NUDT3: variants seen among roughly 807,000 people sequenced by gnomAD.
The protein encoded by NUDT3 is nudix hydrolase 3.
NUDT3 carries 9 observed loss-of-function variants against 23.6 expected under a neutral mutation model. The observed-to-expected ratio is 0.38, with a 90% CI of 0.23 to 0.66. The LOEUF (loss-of-function observed/expected upper bound fraction) is 0.66, where lower values mean the gene tolerates loss of function less well. NUDT3 is among the 30% of genes least tolerant of loss of function. NUDT3 has a pLI of 0.52. For synonymous variants in NUDT3, 86 were observed against 82.6 expected (o/e 1.04, Z -0.22); for missense variants, 172 against 218.5 (o/e 0.79, Z 1.34).
intron 2 of NUDT3, among the ~76,000 whole-genome samples, chr6:34,308,947 C>G (rs2113707943): frequency 6.6e-6 from 1 of 152,282 alleles, no homozygotes; most frequent in African/African-American, 2.4e-5. Context: ...CCAACAACAG[C>G]AGAATACACA....
At chr6:34,322,270 G>GC (rs1391461559) in intron 2 of NUDT3, among the ~76,000 whole-genome samples, 1 of 150,368 alleles carries the variant, frequency 6.7e-6, no homozygotes, top group Non-Finnish European at 1.5e-5. Flanking sequence ...TCGCTCTGTC[G>GC]CCCAGGCTGG....
At chr6:34,297,740 T>C (rs1432585315) in intron 2 of NUDT3, among the ~76,000 whole-genome samples, 8 of 100,402 alleles carry the variant, frequency 8.0e-5, no homozygotes, top group Admixed American at 2.3e-4. Flanking sequence ...AATATATATA[T>C]ATATATATAT....
In NUDT3 at chr6:34,287,525, T is replaced by C. The variant is rs773682850; in HGVS notation, c.*1228A>G. The C allele has an allele frequency of 2.6e-5, 4 of 152,174 alleles. No individual in the cohort carries two copies. Among genetic ancestry groups the C allele is most frequent in the Non-Finnish European group, 4.4e-5 (3 of 68,030 alleles). 9.4% of individuals were successfully genotyped at this position (152,174 alleles called of 1,614,324 possible). ...ATCCTGGTGGGAGATGGGAGACCAA[T>C]TTAATAGCTCTGAGCATGCTCCATG... On this transcript the variant is annotated 3_prime_UTR_variant, in exon 5 of 5. Transcript: ENST00000607016.
intron 2 of NUDT3, among the ~76,000 whole-genome samples, chr6:34,319,547 C>T (rs1763909322): frequency 6.6e-6 from 1 of 152,172 alleles, no homozygotes; most frequent in Admixed American, 6.5e-5. Flanking sequence ...CTCTAGGAAC[C>T]TCCACGTGTT....
chr6:34,387,729 A>G (rs1765130459), intron 1 of NUDT3, among the ~76,000 whole-genome samples: 2 of 128,154 alleles, frequency 1.6e-5, no homozygotes. Flanking sequence ...GAAAGAGAAA[A>G]ATATTGTTAT....
intron 1 of NUDT3, among the ~76,000 whole-genome samples, chr6:34,385,058 T>A (rs982947645): frequency 2.0e-5 from 3 of 150,042 alleles, no homozygotes; most frequent in Admixed American, 6.6e-5. Context: ...CAAAACAAGA[T>A]CTTGGCCCTA....
chr6:34,381,204 G>C (rs1284109861), intron 1 of NUDT3, among the ~76,000 whole-genome samples: 1 of 151,936 alleles, frequency 6.6e-6, no homozygotes, highest in African/African-American at 2.4e-5. Flanking sequence ...TTTTTATAGA[G>C]ACGAGGTCCC....
chr6:34,315,284 G>A (rs1763841528), intron 2 of NUDT3, among the ~76,000 whole-genome samples: 1 of 152,182 alleles, frequency 6.6e-6, no homozygotes, highest in Non-Finnish European at 1.5e-5. Flanking sequence ...AGGCAGAACT[G>A]CCAGTTTCAG....
intron 1 of NUDT3, among the ~76,000 whole-genome samples, chr6:34,367,421 G>C (rs1432657463): frequency 2.0e-5 from 3 of 151,632 alleles, no homozygotes; most frequent in Non-Finnish European, 4.4e-5. Context: ...GGCGGAGGTT[G>C]CAGCGAGCCG....
In NUDT3 at chr6:34,332,050, A is replaced by T. The variant is rs188524321; in HGVS notation, c.210+9812T>A. Among the ~76,000 whole-genome samples the T allele has an allele frequency of 3.5e-3, 528 of 151,852 alleles. 2 individuals carry two copies. The highest frequency in any genetic ancestry group is 9.4e-3 in the South Asian group (45 of 4,804). ...TCAACACGCCCAACTAATTTTTTTT[A>T]AAATTTTTTGTTTTTTGTAGTGATA... On this transcript the variant is annotated intron_variant, in intron 2 of 4. Transcript: ENST00000607016.
intron 1 of NUDT3, among the ~76,000 whole-genome samples, chr6:34,362,337 C>T (rs901421621): frequency 2.0e-4 from 30 of 151,952 alleles, no homozygotes; most frequent in Admixed American, 2.6e-4. Flanking sequence ...TGCCACCACA[C>T]CTGGCTAATT....
At chr6:34,331,284 CTTTCT>C (rs888329195) in intron 2 of NUDT3, among the ~76,000 whole-genome samples, 3 of 142,514 alleles carry the variant, frequency 2.1e-5, no homozygotes, top group African/African-American at 2.8e-5. Context: ...GACTTTCAAA[CTTTCT>C]TTTTTTTTTT....
At chr6:34,390,122 A>T (rs1190461289) in intron 1 of NUDT3, among the ~76,000 whole-genome samples, 2 of 152,120 alleles carry the variant, frequency 1.3e-5, no homozygotes, top group Admixed American at 6.5e-5. Flanking sequence ...TGGGCGAAAG[A>T]GCGAGACTCC....
intron 1 of NUDT3, among the ~76,000 whole-genome samples, chr6:34,376,590 A>T (rs187204448): frequency 1.9e-3 from 285 of 152,210 alleles, no homozygotes; most frequent in African/African-American, 6.7e-3. Flanking sequence ...TTTATCTTTA[A>T]CATATCATCT....
chr6:34,290,357 C>CA (rs1763401349), intron 4 of NUDT3, among the ~76,000 whole-genome samples: 1 of 149,726 alleles, frequency 6.7e-6, no homozygotes, highest in Non-Finnish European at 1.5e-5. Context: ...CCCAGCCTTC[C>CA]AAGTAGCTAG....
intron 2 of NUDT3, among the ~76,000 whole-genome samples, chr6:34,305,956 A>C (rs1763673062): frequency 6.6e-6 from 1 of 152,132 alleles, no homozygotes; most frequent in Admixed American, 6.5e-5. Context: ...TTATGTTCTT[A>C]TCCTTCCATG....
chr6:34,362,882 C>CTGAA (rs10630033), intron 1 of NUDT3, among the ~76,000 whole-genome samples: 2,171 of 152,230 alleles, frequency 0.014, 43 homozygotes, highest in African/African-American at 0.046. Flanking sequence ...TAATTCAGAC[C>CTGAA]TGAACTTCAG....
intron 2 of NUDT3, among the ~76,000 whole-genome samples, chr6:34,334,979 A>C (rs1328202576): frequency 6.6e-6 from 1 of 151,874 alleles, no homozygotes; most frequent in Non-Finnish European, 1.5e-5. Context: ...GAGAGAAAGA[A>C]AGAGAGAGAA....
At position 34,288,846 on chromosome 6, in the gene NUDT3, T is replaced by C. The variant is rs778461069; in HGVS notation, c.426A>G (p.Thr142=). The C allele has an allele frequency of 8.1e-6, 13 of 1,614,192 alleles. No individual in the cohort carries two copies. Among genetic ancestry groups the C allele is most frequent in the Middle Eastern group, 1.6e-4 (1 of 6,062 alleles). The change falls in exon 5 of 5, where the codon ACA becomes ACG. Residue 142 remains threonine, a synonymous_variant. Transcript: ENST00000607016. ...TGTTGGCTGAGTAGCCTTGCCTCAA[T>C]GTTTCAAAATATGATGCCTGCACGG... ...HKPVQASYFE[T]LRQGYSANNG...
Sources: gnomAD v4.1 joint callset for allele counts (sites outside exome capture counted in the v4.1 genomes callset) on GRCh38, gnomAD v4.1.1 for gene constraint, MANE v1.5 for transcripts, NCBI Gene and HGNC (gene_info 2026-07-23, HGNC 2026-07-21) for gene names.